The following PARN variants were observed in gnomAD, a reference collection of about 807,000 sequenced individuals.
PARN encodes poly(A)-specific ribonuclease.
Under a neutral mutation model 102.8 loss-of-function variants are expected in PARN, and 71 were observed. The ratio of observed to expected loss-of-function variants is 0.69; its 90% CI spans 0.57 to 0.84. PARN has a LOEUF of 0.84. PARN is among the 40% of genes least tolerant of loss of function. The probability of loss-of-function intolerance (pLI) is 0.00; values close to 1 mark genes in which losing one functional copy is unlikely to be tolerated. For missense variants in PARN, 782 were observed against 760.9 expected (o/e 1.03, Z -0.33); for synonymous variants, 261 against 252.9 (o/e 1.03, Z -0.30).
chr16:14,480,925 C>A (rs1963343524), intron 22 of PARN, among the ~76,000 whole-genome samples: 1 of 150,748 alleles, frequency 6.6e-6, no homozygotes, highest in Non-Finnish European at 1.5e-5. Flanking sequence ...GGAAAAAGAG[C>A]AAGACCTGCC....
chr16:14,549,764 T>C (rs953528490), intron 21 of PARN, among the ~76,000 whole-genome samples: 2 of 152,332 alleles, frequency 1.3e-5, no homozygotes, highest in African/African-American at 4.8e-5. Flanking sequence ...TTTTAATAAT[T>C]ACCTACCACG....
chr16:14,580,470 T>C (rs1443591853), intron 18 of PARN, among the ~76,000 whole-genome samples: 2 of 151,814 alleles, frequency 1.3e-5, no homozygotes. Context: ...GTATTTTTAA[T>C]AGAGACGAGT....
chr16:14,465,010 A>G (rs1363939500), intron 22 of PARN, among the ~76,000 whole-genome samples: 4 of 152,176 alleles, frequency 2.6e-5, no homozygotes, highest in African/African-American at 4.8e-5. Context: ...TATGTATAGA[A>G]CTACACAAAG....
chr16:14,627,992 A>G (rs1265727348), intron 3 of PARN, among the ~76,000 whole-genome samples, 180 bp downstream of exon 3: 2 of 152,290 alleles, frequency 1.3e-5, no homozygotes, highest in Admixed American at 6.5e-5. Context: ...TGGGTGACAG[A>G]GCGAGACCTT....
chr16:14,509,361 C>T (rs1192020368), intron 21 of PARN, among the ~76,000 whole-genome samples: 1 of 152,174 alleles, frequency 6.6e-6, no homozygotes, highest in African/African-American at 2.4e-5. Context: ...TTAGGAGCTA[C>T]TGAGCTGGAG....
chr16:14,481,621 T>C (rs1484803646), intron 22 of PARN, among the ~76,000 whole-genome samples: 1 of 152,240 alleles, frequency 6.6e-6, no homozygotes, highest in Non-Finnish European at 1.5e-5. Context: ...TTTTATTTTA[T>C]TTTAATCATA....
At chr16:14,538,285 C>G (rs1966701305) in intron 21 of PARN, among the ~76,000 whole-genome samples, 1 of 140,962 alleles carries the variant, frequency 7.1e-6, no homozygotes, top group African/African-American at 2.7e-5. Flanking sequence ...GGGGCATGAT[C>G]TTGGCTCACT....
intron 18 of PARN, among the ~76,000 whole-genome samples, chr16:14,560,140 T>TCATCCAACTTGACAGTTTTCATCCTAG (rs1967961545): frequency 6.6e-6 from 1 of 152,192 alleles, no homozygotes; most frequent in African/African-American, 2.4e-5. Context: ...CACATATGCC[T>TCATCCAACTTGACAGTTTTCATCCTAG]CATCCAACTT....
chr16:14,604,006 GT>G (rs1971031856), intron 11 of PARN, 139 bp downstream of exon 11: 1 of 699,804 alleles, frequency 1.4e-6, no homozygotes, highest in Non-Finnish European at 2.5e-6. Flanking sequence ...TCTAGTCCAG[GT>G]TTTTCTGCCA....
intron 22 of PARN, among the ~76,000 whole-genome samples, chr16:14,476,697 AAAAT>A (rs1344088695): frequency 7.2e-5 from 11 of 152,184 alleles, no homozygotes; most frequent in African/African-American, 1.2e-4. Context: ...ACAAAATTAA[AAAAT>A]AAATGAATGG....
intron 21 of PARN, among the ~76,000 whole-genome samples, chr16:14,528,920 C>T (rs1411638601): frequency 6.6e-6 from 1 of 152,088 alleles, no homozygotes; most frequent in East Asian, 1.9e-4. Flanking sequence ...ATGAGTTTTC[C>T]TCTAGGTAGA....
intron 21 of PARN, among the ~76,000 whole-genome samples, chr16:14,486,067 C>T (rs1308831627): frequency 6.6e-6 from 1 of 152,132 alleles, no homozygotes; most frequent in Non-Finnish European, 1.5e-5. Flanking sequence ...GCAATAATCC[C>T]TCTGTTGCCA....
intron 21 of PARN, among the ~76,000 whole-genome samples, chr16:14,494,088 C>G (rs1443211249): frequency 6.6e-6 from 1 of 152,130 alleles, no homozygotes; most frequent in East Asian, 1.9e-4. Flanking sequence ...TTGAAACCTG[C>G]CTACACGGAG....
chr16:14,476,557 C>T (rs1322415407), intron 22 of PARN, among the ~76,000 whole-genome samples: 9 of 152,192 alleles, frequency 5.9e-5, no homozygotes, highest in Admixed American at 4.6e-4. Context: ...GGGCTGGGCA[C>T]AGTGGCTCGT....
chr16:14,470,715 T>C (rs1962686629), intron 22 of PARN, among the ~76,000 whole-genome samples: 1 of 152,136 alleles, frequency 6.6e-6, no homozygotes, highest in African/African-American at 2.4e-5. Context: ...CATCTCAGCA[T>C]TCCAAAGGGC....
chr16:14,441,160 A>T (rs1960922706), intron 23 of PARN, among the ~76,000 whole-genome samples: 2 of 152,208 alleles, frequency 1.3e-5, no homozygotes, highest in Non-Finnish European at 2.9e-5. Context: ...CAAGCTGCAT[A>T]CAGGGTATGA....
chr16:14,586,881 T>C (rs1180026870), intron 13 of PARN, among the ~76,000 whole-genome samples: 1 of 152,232 alleles, frequency 6.6e-6, no homozygotes, highest in Non-Finnish European at 1.5e-5. Context: ...GGCTTTTCAA[T>C]ACACATATGA....
intron 9 of PARN, among the ~76,000 whole-genome samples, chr16:14,607,755 G>A (rs539374561): frequency 6.6e-6 from 1 of 152,206 alleles, no homozygotes; most frequent in East Asian, 1.9e-4. Context: ...GAAGAACAAG[G>A]TCCCCAAAGT....
intron 12 of PARN, 103 bp downstream of exon 12, chr16:14,599,798 GGTA>G: frequency 4.4e-6 from 3 of 687,020 alleles, no homozygotes; most frequent in Non-Finnish European, 7.4e-6. Context: ...GAATGTTCTA[GGTA>G]AACATTCTAA....
Sources: allele counts gnomAD v4.1 joint callset (sites outside exome capture counted in the v4.1 genomes callset), GRCh38; gene constraint gnomAD v4.1.1; transcripts MANE v1.5; gene names NCBI Gene and HGNC (gene_info 2026-07-23, HGNC 2026-07-21).